The following DUSP16 variants were observed in gnomAD, a reference collection of about 807,000 sequenced individuals.
The protein encoded by DUSP16 is dual specificity phosphatase 16, also known as dual specificity protein phosphatase 16.
Under a neutral mutation model 58.3 loss-of-function variants are expected in DUSP16, and 21 were observed. That is an observed-to-expected ratio of 0.36 (90% CI 0.26 to 0.52). The LOEUF (loss-of-function observed/expected upper bound fraction) is 0.52, where lower values mean the gene tolerates loss of function less well. Among genes scored for constraint, DUSP16 ranks in the 20% least tolerant of loss-of-function variants. The pLI is 0.94. For synonymous variants in DUSP16, 320 were observed against 323.8 expected, an observed-to-expected ratio of 0.99 and a Z score of 0.12; for missense variants, 726 against 819.0, an observed-to-expected ratio of 0.89 and a Z score of 1.39.
chr12:12,557,759 CTTTG>C (rs1039007980), intron 1 of DUSP16, among the ~76,000 whole-genome samples: 4 of 152,148 alleles, frequency 2.6e-5, no homozygotes, highest in African/African-American at 7.2e-5. Flanking sequence ...TGTTTACTGT[CTTTG>C]TTTATTGTCC....
At chr12:12,520,054 A>G in intron 2 of DUSP16, 54 bp from the exon 3 acceptor site, 1 of 1,586,660 alleles carries the variant, frequency 6.3e-7, no homozygotes, top group Non-Finnish European at 8.6e-7. Flanking sequence ...GTAATCTCAA[A>G]CTACTGCTTA....
rs1024608373 is a variant in DUSP16 at position 12,473,846 on chromosome 12, C to G, written c.*2987G>C. Among the ~76,000 whole-genome samples, 1 of 152,194 alleles carries G rather than the reference C, an allele frequency of 6.6e-6. No homozygotes were observed. Among genetic ancestry groups the G allele is most frequent in the Non-Finnish European group, 1.5e-5 (1 of 68,052 alleles). ...CCCTTCCTGTTTTTCCTGTAGGAATCGTAACATCATTTACATGTTATATCG... is the reference window on the plus strand; with the variant it reads ...CCCTTCCTGTTTTTCCTGTAGGAATGGTAACATCATTTACATGTTATATCG... On this transcript the variant is annotated 3_prime_UTR_variant, in exon 7 of 7. Transcript: ENST00000298573.
At chr12:12,528,370 G>A (rs1003820836) in intron 1 of DUSP16, among the ~76,000 whole-genome samples, 6 of 152,202 alleles carry the variant, frequency 3.9e-5, no homozygotes, top group Non-Finnish European at 8.8e-5. Context: ...AGGATCCCTG[G>A]ATGAAGTTAC....
At chr12:12,510,700 A>G (rs78670164) in intron 3 of DUSP16, among the ~76,000 whole-genome samples, 4,185 of 152,316 alleles carry the variant, frequency 0.027, 84 homozygotes, top group Non-Finnish European at 0.043. Context: ...ACTTTAACCA[A>G]ATAATTAGAT....
chr12:12,478,631 T>C (rs1447652235), intron 6 of DUSP16, among the ~76,000 whole-genome samples: 1 of 152,122 alleles, frequency 6.6e-6, no homozygotes, highest in Non-Finnish European at 1.5e-5. Context: ...CCACCATGCC[T>C]GGCCAAGAGA....
chr12:12,524,131 A>G (rs1944271365), intron 1 of DUSP16, among the ~76,000 whole-genome samples: 1 of 152,240 alleles, frequency 6.6e-6, no homozygotes, highest in African/African-American at 2.4e-5. Context: ...ATAAACCCAA[A>G]GACAGGTTAC....
intron 3 of DUSP16, among the ~76,000 whole-genome samples, chr12:12,519,139 C>G (rs554044721): frequency 6.6e-6 from 1 of 152,144 alleles, no homozygotes; most frequent in African/African-American, 2.4e-5. Context: ...ATTTGCAAAA[C>G]GAGAAGCAAA....
At chr12:12,490,493 G>A (rs1943747581) in intron 4 of DUSP16, among the ~76,000 whole-genome samples, 1 of 152,046 alleles carries the variant, frequency 6.6e-6, no homozygotes, top group African/African-American at 2.4e-5. Flanking sequence ...TATCTGGATT[G>A]GTAGTCAGTG....
chr12:12,518,713 AATATT>A lies in DUSP16; in HGVS notation c.367+1144_367+1148del, dbSNP rs1465028846. On this transcript the variant is annotated intron_variant, in intron 3 of 6. Coordinates refer to ENST00000298573, the MANE Select transcript of DUSP16 (RefSeq NM_030640.3). ...GTGTCTATCAACAGAGACAGAATCT[AATATT>A]ATAATTCTCAGTTACAGACTTCTGA... Among the ~76,000 whole-genome samples, 3 of 152,218 alleles carry A rather than the reference AATATT, an allele frequency of 2.0e-5. No individual in the cohort carries two copies. The East Asian group carries it at 5.8e-4, about 29-fold the overall frequency.
intron 1 of DUSP16, among the ~76,000 whole-genome samples, chr12:12,521,975 T>C (rs545485573): frequency 8.9e-4 from 136 of 152,316 alleles, no homozygotes; most frequent in African/African-American, 3.2e-3. Flanking sequence ...TGTGTGCACA[T>C]GTGAGCTCAC....
chr12:12,530,551 T>C (rs11054956), intron 1 of DUSP16, among the ~76,000 whole-genome samples: 31,714 of 152,172 alleles, frequency 0.21, 4,147 homozygotes, highest in Admixed American at 0.27. Context: ...TTGTCCATGC[T>C]TTTGAGGCAG....
chr12:12,552,784 TTTC>T (rs1232406059), intron 1 of DUSP16, among the ~76,000 whole-genome samples: 9 of 152,300 alleles, frequency 5.9e-5, no homozygotes, highest in African/African-American at 1.4e-4. Context: ...CTCTTTGTTT[TTTC>T]TTCTTTTTTT....
chr12:12,500,205 G>A (rs1307580688), intron 4 of DUSP16, among the ~76,000 whole-genome samples: 1 of 152,094 alleles, frequency 6.6e-6, no homozygotes, highest in Non-Finnish European at 1.5e-5. Context: ...GCCTGAGAGT[G>A]CCCAATTATA....
chr12:12,511,918 C>T (rs1944084505), intron 3 of DUSP16, among the ~76,000 whole-genome samples: 1 of 152,180 alleles, frequency 6.6e-6, no homozygotes, highest in South Asian at 2.1e-4. Context: ...ATTGATGTCA[C>T]TGTTGTCATC....
chr12:12,556,237 T>C (rs1362427882), intron 1 of DUSP16, among the ~76,000 whole-genome samples: 1 of 152,102 alleles, frequency 6.6e-6, no homozygotes, highest in African/African-American at 2.4e-5. Context: ...TCAACACTTT[T>C]TAAAATCCTT....
At chr12:12,491,225 G>A (rs1436230625) in intron 4 of DUSP16, 1 of 150,310 alleles carries the variant, frequency 6.7e-6, no homozygotes, top group African/African-American at 2.4e-5. Context: ...ATTTTTGTTG[G>A]TGTTTTTAAG....
intron 3 of DUSP16, among the ~76,000 whole-genome samples, chr12:12,511,514 C>T (rs999134219): frequency 6.6e-6 from 1 of 152,038 alleles, no homozygotes; most frequent in African/African-American, 2.4e-5. Flanking sequence ...TTCTTTCCCC[C>T]TCAGAATGCG....
At chr12:12,503,963 G>C (rs1241272193) in intron 3 of DUSP16, among the ~76,000 whole-genome samples, 1 of 152,130 alleles carries the variant, frequency 6.6e-6, no homozygotes, top group African/African-American at 2.4e-5. Flanking sequence ...ACAACCCACA[G>C]ACAATCTCAA....
chr12:12,479,868 A>T (rs1486553217), intron 6 of DUSP16, among the ~76,000 whole-genome samples: 1 of 152,230 alleles, frequency 6.6e-6, no homozygotes, highest in African/African-American at 2.4e-5. Context: ...TGCAGTGAGC[A>T]TTCTATTAGA....
Sources: gnomAD v4.1 joint callset for allele counts (sites outside exome capture counted in the v4.1 genomes callset) on GRCh38, gnomAD v4.1.1 for gene constraint, MANE v1.5 for transcripts, NCBI Gene and HGNC (gene_info 2026-07-23, HGNC 2026-07-21) for gene names.